SPTAN1: variants seen among roughly 807,000 people sequenced by gnomAD.
SPTAN1 encodes spectrin alpha, non-erythrocytic 1.
SPTAN1 carries 61 observed loss-of-function variants against 331.3 expected under a neutral mutation model. The observed-to-expected ratio is 0.18, with a 90% CI of 0.15 to 0.23. The LOEUF (loss-of-function observed/expected upper bound fraction) is 0.23, where lower values mean the gene tolerates loss of function less well. Ranked by LOEUF, SPTAN1 falls within the 10% of genes least tolerant of loss-of-function variation. The pLI, the probability that SPTAN1 is intolerant of heterozygous loss-of-function variation, is 1.00. For synonymous variants in SPTAN1, 1,153 were observed against 1,173.9 expected (o/e 0.98, Z 0.36); for missense variants, 2,043 against 3,147.9 (o/e 0.65, Z 8.40).
chr9:128,626,223 T>C, intron 48 of SPTAN1, 168 bp from the exon 49 acceptor site: 1 of 1,004,592 alleles, frequency 1.0e-6, no homozygotes, highest in Admixed American at 1.8e-5. Flanking sequence ...GAAAAAAGGC[T>C]GGTGAAGACT....
At chr9:128,595,500 A>T (rs1854151727) in intron 24 of SPTAN1, among the ~76,000 whole-genome samples, 1 of 152,196 alleles carries the variant, frequency 6.6e-6, no homozygotes, top group Admixed American at 6.5e-5. Context: ...ACATGTTGTT[A>T]TAAGAACTTT....
rs1349084980 is a variant in SPTAN1, at chr9:128,633,443, TTGG to T, written c.*110_*112del. The T allele has an allele frequency of 3.2e-6, 5 of 1,563,930 alleles. No individual in the cohort carries two copies. Among genetic ancestry groups the T allele is most frequent in the African/African-American group, 1.4e-5 (1 of 74,040 alleles). ...CACTGTAACCTTAAGCCTGCTTAGC[TTGG>T]AATAAGACTTAGGAGAAAATGGTGC... On this transcript the variant is annotated 3_prime_UTR_variant, in exon 57 of 57. Transcript: ENST00000372739.
At position 128,583,768 on chromosome 9, in the gene SPTAN1, A is replaced by G. The variant is rs1370378118; in HGVS notation, c.2012-20A>G. The stretch of plus-strand genomic sequence containing the variant: ...GGGTAATGCTAAGCAGTACAAAATT[A>G]AACTTGTTTTCTTCCATAGGAATAA... On this transcript the variant is annotated intron_variant, in intron 15 of 56. Transcript: ENST00000372739. 1 of 1,614,064 alleles carries G rather than the reference A, an allele frequency of 6.2e-7. No homozygotes were observed.
chr9:128,566,598 TC>T, intron 1 of SPTAN1, 139 bp from the exon 2 acceptor site: 1 of 1,290,590 alleles, frequency 7.7e-7, no homozygotes, highest in Non-Finnish European at 1.1e-6. Flanking sequence ...GCTTCATTGT[TC>T]CTAAGAAGGG....
At chr9:128,570,691 T>A (rs1850609823) in intron 3 of SPTAN1, among the ~76,000 whole-genome samples, 1 of 151,486 alleles carries the variant, frequency 6.6e-6, no homozygotes, top group Non-Finnish European at 1.5e-5. Flanking sequence ...AGTTTTGCTC[T>A]TGTTGCCCCG....
At chr9:128,570,845 G>C (rs1307064882) in intron 3 of SPTAN1, among the ~76,000 whole-genome samples, 2 of 152,056 alleles carry the variant, frequency 1.3e-5, no homozygotes, top group East Asian at 3.9e-4. Context: ...ATTTTTAGTA[G>C]AGACAGGGTT....
At chr9:128,557,240 A>G (rs1336083857) in intron 1 of SPTAN1, among the ~76,000 whole-genome samples, 4 of 152,236 alleles carry the variant, frequency 2.6e-5, no homozygotes, top group Non-Finnish European at 4.4e-5. Context: ...TTCATTTTGT[A>G]GTATTCCAAA....
intron 49 of SPTAN1, 22 bp downstream of exon 49, chr9:128,626,709 G>A: frequency 6.3e-7 from 1 of 1,583,170 alleles, no homozygotes; most frequent in Non-Finnish European, 8.6e-7. Flanking sequence ...GCTGCCCTCA[G>A]GAGCTGCTCG....
Position 128,588,978 on chromosome 9 carries a change from C to T in SPTAN1, c.3006+35C>T, listed in dbSNP as rs185917355. On this transcript the variant is annotated intron_variant, in intron 21 of 56. Coordinates refer to ENST00000372739, the MANE Select transcript of SPTAN1 (RefSeq NM_001130438.3). ...AGAGAGTGGCTGTGTGTTTGTTCCACGCTGGCACCTCCACGTATGCTCAGT... is the reference window on the plus strand; with the variant it reads ...AGAGAGTGGCTGTGTGTTTGTTCCATGCTGGCACCTCCACGTATGCTCAGT... The T allele has an allele frequency of 2.8e-4, 450 of 1,611,954 alleles. 3 individuals carry two copies. In the African/African-American group the frequency reaches 4.4e-3, roughly 16 times the overall value.
chr9:128,585,845 G>A lies in SPTAN1; in HGVS notation c.2658G>A (p.Leu886=), dbSNP rs757022404. 6.2e-7 allele frequency: 1 copy of A among 1,614,188 alleles called. No individual in the cohort carries two copies. Among genetic ancestry groups the A allele is most frequent in the Non-Finnish European group, 8.5e-7 (1 of 1,180,030 alleles). The change falls in exon 19 of 57, where the codon CTG becomes CTA. Residue 886 remains leucine (L), a synonymous_variant. Transcript: ENST00000372739. ...AAGCTTCCCAGCGTCGGCAGGACCT[G>A]GAGGACTCTCTGCAGGCCCAGCAGT... The part of the protein sequence containing the change: ...KAKASQRRQD[L]EDSLQAQQYF...
intron 24 of SPTAN1, among the ~76,000 whole-genome samples, chr9:128,595,486 C>T (rs907950167): frequency 3.9e-5 from 6 of 152,120 alleles, no homozygotes; most frequent in Non-Finnish European, 8.8e-5. Context: ...ATGCTATGTT[C>T]TCTACATGTT....
chr9:128,615,678 G>T lies in SPTAN1; in HGVS notation c.5195G>T (p.Ser1732Ile), dbSNP rs751640888. 7 of 1,614,164 alleles carry T rather than the reference G, an allele frequency of 4.3e-6. No homozygotes were observed. The highest frequency in any genetic ancestry group is 5.9e-6 in the Non-Finnish European group (7 of 1,180,046). The stretch of plus-strand genomic sequence containing the variant: ...AGCCAGGCAGACAGCCTGATGACCA[G>T]CAGTGCCTTCGACACCTCCCAAGTA... ...LNSQADSLMT[S>I]SAFDTSQVKD... is the part of the protein sequence containing the mutation. Residue 1732 changes from serine to isoleucine, a missense_variant, in exon 41 of 57, where the codon AGC becomes ATC. By Grantham distance (142) the Ser-to-Ile change is moderately radical. Around this residue, in one of 12 missense-constraint regions of SPTAN1, gnomAD observed 323 missense variants for 581.1 expected, o/e 0.56. Transcript: ENST00000372739.
intron 31 of SPTAN1, among the ~76,000 whole-genome samples, chr9:128,606,053 A>G (rs1441542577): frequency 6.6e-6 from 1 of 151,888 alleles, no homozygotes; most frequent in Non-Finnish European, 1.5e-5. Flanking sequence ...AAATAGTCAA[A>G]CTACTGAATG....
chr9:128,609,402 AT>A, intron 36 of SPTAN1, 118 bp downstream of exon 36: 1 of 1,490,082 alleles, frequency 6.7e-7, no homozygotes, highest in South Asian at 1.2e-5. Flanking sequence ...AGTGAGAAAT[AT>A]TTCAGTAAGC....
At position 128,603,297 on chromosome 9, in the gene SPTAN1, C is replaced by G. The variant is rs6478841; in HGVS notation, c.3580-246C>G. Among the ~76,000 whole-genome samples the G allele has an allele frequency of 0.91, 138,180 of 152,194 alleles. 64,119 individuals carry two copies. Among genetic ancestry groups the G allele is most frequent in the Non-Finnish European group, 1 (67,902 of 68,034 alleles). On this transcript the variant is annotated intron_variant, in intron 27 of 56. Coordinates refer to ENST00000372739, the MANE Select transcript of SPTAN1 (RefSeq NM_001130438.3). The stretch of plus-strand genomic sequence containing the variant: ...CTAGCTGCTAGAATTGTGGTTTTTA[C>G]CATTCTTTTTTCACTCTTCATCAGA...
chr9:128,578,104 C>T lies in SPTAN1; in HGVS notation c.1086-6C>T. The T allele has an allele frequency of 6.2e-7, 1 of 1,614,122 alleles. No homozygotes were observed. Among genetic ancestry groups the T allele is most frequent in the Non-Finnish European group, 8.5e-7 (1 of 1,180,020 alleles). On this transcript the variant is annotated splice_polypyrimidine_tract_variant and splice_region_variant and intron_variant, in intron 8 of 56. Transcript: ENST00000372739. ...AAACATAATGTCTTCCTTTGGTTTT[C>T]CCTAGGCTTCAACGCTTCCTTGCTG... is the stretch of plus-strand genomic sequence containing the variant.
Position 128,626,547 on chromosome 9 carries a change from A to G in SPTAN1, c.6436A>G (p.Ser2146Gly). The G allele has an allele frequency of 6.2e-7, 1 of 1,614,136 alleles. No individual in the cohort carries two copies. Among genetic ancestry groups the G allele is most frequent in the Non-Finnish European group, 8.5e-7 (1 of 1,180,012 alleles). ...EAHDAFRSSLSSAQADFNQLA... is the reference protein window; with the variant it reads ...EAHDAFRSSLGSAQADFNQLA... ...CCACGACGCCTTCCGCTCCTCCCTC[A>G]GCTCTGCCCAGGCTGACTTCAACCA... The change falls in exon 49 of 57, where the codon AGC (serine) becomes GGC (glycine). Residue 2146 changes from serine to glycine, a missense_variant. This residue lies in a region of SPTAN1 where 256 missense variants were observed against 376.4 expected (regional missense o/e 0.68). Transcript: ENST00000372739.
rs1394461073 is a variant in SPTAN1, at chr9:128,627,363, A to C, written c.6577-23A>C. On this transcript the variant is annotated intron_variant, in intron 49 of 56. Coordinates refer to ENST00000372739, the MANE Select transcript of SPTAN1 (RefSeq NM_001130438.3). The surrounding 1 kb of genome is among the most constrained non-coding windows in gnomAD (Gnocchi z 4.9). Reference sequence around the variant, plus strand: ...TGTCACTGCCACAGCAGCGCACAGCATCTGCCCCCCTTTGGCCCTCAGGAG... The same window carrying C: ...TGTCACTGCCACAGCAGCGCACAGCCTCTGCCCCCCTTTGGCCCTCAGGAG... 3 of 1,544,172 alleles carry C rather than the reference A, an allele frequency of 1.9e-6. No homozygotes were observed. The African/African-American group carries it at 4.1e-5, about 21-fold the overall frequency.
At chr9:128,628,845 C>T (rs1859207860) in intron 51 of SPTAN1, 5 of 329,996 alleles carry the variant, frequency 1.5e-5, no homozygotes, top group South Asian at 3.1e-4. Flanking sequence ...ACCTGACTCC[C>T]CTCCCTGCCC....
Sources: allele counts gnomAD v4.1 joint callset (sites outside exome capture counted in the v4.1 genomes callset), GRCh38; gene constraint gnomAD v4.1.1; regional missense constraint gnomAD v4.1.1; non-coding constraint Gnocchi (gnomAD v3.1); transcripts MANE v1.5; gene names NCBI Gene and HGNC (gene_info 2026-07-23, HGNC 2026-07-21).